SMOC2: variants seen among roughly 807,000 people sequenced by gnomAD.
SMOC2 encodes the protein SPARC-related modular calcium-binding protein 2.
In SMOC2, 39 loss-of-function variants were observed where a neutral mutation model predicts 61.4. That is an observed-to-expected ratio of 0.64 (90% CI 0.49 to 0.83). SMOC2 has a LOEUF of 0.83. Ranked by LOEUF, SMOC2 falls within the 40% of genes least tolerant of loss-of-function variation. The probability of loss-of-function intolerance (pLI) is 0.00; values close to 1 mark genes in which losing one functional copy is unlikely to be tolerated. For missense variants in SMOC2, 556 were observed against 592.9 expected (o/e 0.94, Z 0.65); for synonymous variants, 247 against 239.9 (o/e 1.03, Z -0.27).
intron 9 of SMOC2, among the ~76,000 whole-genome samples, chr6:168,612,622 G>A (rs141561961): frequency 4.6e-5 from 7 of 152,366 alleles, no homozygotes; most frequent in South Asian, 4.1e-4. Context: ...CACTGGGTTC[G>A]TGATCTCCAT....
intron 1 of SMOC2, among the ~76,000 whole-genome samples, chr6:168,494,179 C>T (rs1211733689): frequency 6.6e-6 from 1 of 152,174 alleles, no homozygotes; most frequent in Non-Finnish European, 1.5e-5. Flanking sequence ...TCTACACGCT[C>T]TGAGTGCAAG....
chr6:168,479,897 T>G (rs955397758), intron 1 of SMOC2, among the ~76,000 whole-genome samples: 1 of 152,098 alleles, frequency 6.6e-6, no homozygotes, highest in Non-Finnish European at 1.5e-5. Flanking sequence ...AACCCTTTAT[T>G]TTACTTTTTC....
At position 168,664,158 on chromosome 6, in the gene SMOC2, T is replaced by C. The variant is rs773389532; in HGVS notation, c.1323+47T>C. On this transcript the variant is annotated intron_variant, in intron 12 of 12. Coordinates refer to ENST00000356284, the MANE Select transcript of SMOC2 (RefSeq NM_001166412.2). ...TCTTAACCATTTCGTTTTTAAATTATAAACAATAAAAATTCAGAGTTATGT... is the reference window on the plus strand; with the variant it reads ...TCTTAACCATTTCGTTTTTAAATTACAAACAATAAAAATTCAGAGTTATGT... 10 of 1,448,942 alleles carry C rather than the reference T, an allele frequency of 6.9e-6. No homozygotes were observed. In the East Asian group the frequency reaches 2.3e-4, roughly 33 times the overall value. The allele number at this position is 1,448,942 out of a possible 1,614,324, so 89.8% of individuals were successfully genotyped here.
chr6:168,530,637 A>ACCCCCCCCCCCC lies in SMOC2; in HGVS notation c.463+2912_463+2923dup, dbSNP rs3064057. 1.8e-3 allele frequency among the ~76,000 whole-genome samples: 213 copies of ACCCCCCCCCCCC among 120,228 alleles called. 2 individuals are homozygous for ACCCCCCCCCCCC. Among genetic ancestry groups the ACCCCCCCCCCCC allele is most frequent in the African/African-American group, 4.7e-3 (114 of 24,506 alleles). The allele number at this position is 120,228 out of a possible 152,430, so 78.9% of individuals were successfully genotyped here. On this transcript the variant is annotated intron_variant, in intron 4 of 12. Coordinates refer to ENST00000356284, the MANE Select transcript of SMOC2 (RefSeq NM_001166412.2). ...AAATGCAAATTAAAGTCACGGTGCA[A>ACCCCCCCCCCCC]CCCCCCCCCCCCCGCCCCCACACCC...
At chr6:168,606,313 A>G (rs1785688353) in intron 8 of SMOC2, among the ~76,000 whole-genome samples, 1 of 152,206 alleles carries the variant, frequency 6.6e-6, no homozygotes, top group Admixed American at 6.5e-5. Context: ...TTCAGTTAGA[A>G]TGTGATAGCT....
chr6:168,473,424 G>T (rs572309287), intron 1 of SMOC2, among the ~76,000 whole-genome samples: 37 of 152,108 alleles, frequency 2.4e-4, no homozygotes, highest in African/African-American at 8.2e-4. Context: ...GTGCCCTGTG[G>T]TCTTACCTGC....
At chr6:168,504,012 A>G (rs1048576379) in intron 1 of SMOC2, among the ~76,000 whole-genome samples, 2 of 152,038 alleles carry the variant, frequency 1.3e-5, no homozygotes, top group Non-Finnish European at 2.9e-5. Context: ...ATGCCAGCAC[A>G]TTGATTTGAG....
chr6:168,502,440 G>A (rs966780809), intron 1 of SMOC2, among the ~76,000 whole-genome samples: 5 of 152,200 alleles, frequency 3.3e-5, no homozygotes, highest in African/African-American at 1.2e-4. Flanking sequence ...CCCTGCATCT[G>A]CCCACAGCCA....
intron 1 of SMOC2, among the ~76,000 whole-genome samples, chr6:168,489,220 C>G (rs186318116): frequency 6.7e-6 from 1 of 149,040 alleles, no homozygotes; most frequent in East Asian, 2.0e-4. Flanking sequence ...ATCAAATCGT[C>G]TGGGTCCTCT....
At position 168,479,455 on chromosome 6, in the gene SMOC2, C is replaced by T. The variant is rs77701374; in HGVS notation, c.85-30460C>T. 1.6e-3 allele frequency among the ~76,000 whole-genome samples: 244 copies of T among 152,262 alleles called. 3 individuals are homozygous for T. The East Asian group carries it at 0.042, about 26-fold the overall frequency. On this transcript the variant is annotated intron_variant, in intron 1 of 12. Coordinates refer to ENST00000356284, the MANE Select transcript of SMOC2 (RefSeq NM_001166412.2). ...AAGGAAACATCAGAAATCTGTATTC[C>T]CACCTAGATAACAGTTGCACTGGCA...
intron 7 of SMOC2, among the ~76,000 whole-genome samples, chr6:168,597,875 T>C (rs6911811): frequency 0.89 from 135,930 of 152,304 alleles, 60,725 homozygotes; most frequent in Middle Eastern, 0.97. Context: ...AGCACGCACT[T>C]ATTCTCAGGT....
chr6:168,539,024 G>A (rs1485557784), intron 4 of SMOC2, among the ~76,000 whole-genome samples: 1 of 152,066 alleles, frequency 6.6e-6, no homozygotes, highest in Non-Finnish European at 1.5e-5. Flanking sequence ...AGGGGACTGA[G>A]TCGCTTCCTC....
chr6:168,564,073 C>T (rs2115130673), intron 7 of SMOC2, among the ~76,000 whole-genome samples: 1 of 152,316 alleles, frequency 6.6e-6, no homozygotes, highest in South Asian at 2.1e-4. Context: ...ATCACTGTGA[C>T]ACATGGCAAC....
chr6:168,534,377 G>T (rs1417238760), intron 4 of SMOC2, among the ~76,000 whole-genome samples: 2 of 151,900 alleles, frequency 1.3e-5, no homozygotes, highest in African/African-American at 4.8e-5. Flanking sequence ...CAGGGTGTAG[G>T]TTTAGTCTGA....
chr6:168,489,445 A>T (rs1782418436), intron 1 of SMOC2, among the ~76,000 whole-genome samples: 1 of 146,370 alleles, frequency 6.8e-6, no homozygotes. Context: ...TTTTAGAGTG[A>T]AATATATTGA....
At chr6:168,632,787 C>T (rs141802780) in intron 9 of SMOC2, among the ~76,000 whole-genome samples, 1 of 152,346 alleles carries the variant, frequency 6.6e-6, no homozygotes, top group East Asian at 1.9e-4. Flanking sequence ...AATTCTGTGG[C>T]TCGTCCTCAG....
chr6:168,602,105 G>A (rs183598315), intron 8 of SMOC2, among the ~76,000 whole-genome samples: 11 of 152,262 alleles, frequency 7.2e-5, no homozygotes, highest in Admixed American at 6.5e-4. Context: ...TGAGGAAATA[G>A]CATTGAATAA....
chr6:168,639,814 TA>T (rs1445869965), intron 9 of SMOC2, among the ~76,000 whole-genome samples: 1 of 152,186 alleles, frequency 6.6e-6, no homozygotes, highest in Non-Finnish European at 1.5e-5. Context: ...AACTCAATCA[TA>T]AGATTACAGA....
At chr6:168,635,112 C>T (rs924088648) in intron 9 of SMOC2, among the ~76,000 whole-genome samples, 1 of 152,204 alleles carries the variant, frequency 6.6e-6, no homozygotes, top group African/African-American at 2.4e-5. Flanking sequence ...CTCGTGAGCA[C>T]TTCACGAGTT....
Sources: gnomAD v4.1 joint callset for allele counts (sites outside exome capture counted in the v4.1 genomes callset) on GRCh38, gnomAD v4.1.1 for gene constraint, MANE v1.5 for transcripts, NCBI Gene and HGNC (gene_info 2026-07-23, HGNC 2026-07-21) for gene names.